The following CDC42SE2 variants were observed in gnomAD, a reference collection of about 807,000 sequenced individuals.
CDC42SE2 encodes CDC42 small effector 2.
A neutral mutation model predicts 11.5 loss-of-function variants in CDC42SE2; 3 were observed. The ratio of observed to expected loss-of-function variants is 0.26; its 90% CI spans 0.12 to 0.67. The LOEUF (loss-of-function observed/expected upper bound fraction) is 0.67, where lower values mean the gene tolerates loss of function less well. Ranked by LOEUF, CDC42SE2 falls within the 30% of genes least tolerant of loss-of-function variation. The probability of loss-of-function intolerance (pLI) is 0.80; values close to 1 mark genes in which losing one functional copy is unlikely to be tolerated. For synonymous variants in CDC42SE2, 33 were observed against 34.8 expected (o/e 0.95, Z 0.18); for missense variants, 82 against 106.8 (o/e 0.77, Z 1.02).
At position 131,393,924 on chromosome 5, in the gene CDC42SE2, C is replaced by T. The variant is rs901318617; in HGVS notation, c.*2833C>T. ...GACTTGTCAGCCTATAACTACTCTG[C>T]AGCTGCCACTAACTCTACAGGCACA... On this transcript the variant is annotated 3_prime_UTR_variant, in exon 5 of 5. Transcript: ENST00000505065. The T allele has an allele frequency of 6.8e-6, 1 of 148,076 alleles. No individual in the cohort carries two copies. The highest frequency in any genetic ancestry group is 1.5e-5 in the Non-Finnish European group (1 of 67,664). The allele number at this position is 148,076 out of a possible 1,614,324, so 9.2% of individuals were successfully genotyped here.
At chr5:131,363,407 G>A (rs1749767495) in intron 3 of CDC42SE2, among the ~76,000 whole-genome samples, 1 of 152,044 alleles carries the variant, frequency 6.6e-6, no homozygotes, top group African/African-American at 2.4e-5. Context: ...ACGGAGTTTT[G>A]CTCTTGTCGC....
chr5:131,318,031 C>T (rs189196449), intron 2 of CDC42SE2, among the ~76,000 whole-genome samples: 9 of 152,230 alleles, frequency 5.9e-5, no homozygotes, highest in Non-Finnish European at 8.8e-5. Flanking sequence ...ACCTCTGCCT[C>T]CTGGGCTCAA....
At chr5:131,286,385 G>GTTTTTT (rs33983324) in intron 1 of CDC42SE2, among the ~76,000 whole-genome samples, 2 of 115,086 alleles carry the variant, frequency 1.7e-5, no homozygotes, top group African/African-American at 3.4e-5. Flanking sequence ...CACCTGGCCA[G>GTTTTTT]TTTTTTTTTT....
the CDC42SE2 span, among the ~76,000 whole-genome samples, chr5:131,234,445 G>A: frequency 6.6e-6 from 1 of 152,054 alleles, no homozygotes; most frequent in Non-Finnish European, 1.5e-5. Context: ...AGATCAGCCT[G>A]GCCAAGATGG....
At chr5:131,320,914 TG>T (rs1229323218) in intron 2 of CDC42SE2, among the ~76,000 whole-genome samples, 2 of 152,168 alleles carry the variant, frequency 1.3e-5, no homozygotes, top group Non-Finnish European at 2.9e-5. Context: ...ATATTATAGC[TG>T]GGTAGCCATC....
At chr5:131,370,715 T>C (rs1278196701) in intron 3 of CDC42SE2, among the ~76,000 whole-genome samples, 1 of 152,232 alleles carries the variant, frequency 6.6e-6, no homozygotes, top group African/African-American at 2.4e-5. Context: ...AATTCTGTTA[T>C]TGTGTAAATG....
intron 3 of CDC42SE2, among the ~76,000 whole-genome samples, chr5:131,381,345 A>G: frequency 6.7e-6 from 1 of 149,692 alleles, no homozygotes; most frequent in East Asian, 2.0e-4. Context: ...TTTTTTTGAG[A>G]GAAGTCTCGC....
chr5:131,313,136 C>G (rs564778962), intron 1 of CDC42SE2, among the ~76,000 whole-genome samples: 3 of 151,964 alleles, frequency 2.0e-5, no homozygotes, highest in East Asian at 1.9e-4. Flanking sequence ...GTGCCTGCCA[C>G]GACGCCCGGC....
At chr5:131,257,532 C>T (rs531458946) in intron 2 of CDC42SE2, among the ~76,000 whole-genome samples, 1 of 150,034 alleles carries the variant, frequency 6.7e-6, no homozygotes, top group East Asian at 2.0e-4. Flanking sequence ...GGCTGGAGTG[C>T]AGTGGCACGA....
intron 1 of CDC42SE2, among the ~76,000 whole-genome samples, chr5:131,248,215 C>A (rs1483091172): frequency 6.6e-6 from 1 of 152,098 alleles, no homozygotes; most frequent in Non-Finnish European, 1.5e-5. Flanking sequence ...TCCCAGCTCA[C>A]TACAACCTCT....
intron 3 of CDC42SE2, among the ~76,000 whole-genome samples, chr5:131,380,437 A>G (rs1750288308): frequency 1.3e-5 from 2 of 152,212 alleles, no homozygotes. Context: ...ATGAGTCACC[A>G]TGCCCAGCCA....
chr5:131,289,240 C>G (rs1343848961), intron 1 of CDC42SE2, among the ~76,000 whole-genome samples: 2 of 152,294 alleles, frequency 1.3e-5, no homozygotes, highest in East Asian at 3.9e-4. Context: ...TCCTCATAGT[C>G]AAACCAGCCA....
chr5:131,293,504 G>T (rs181982464), intron 1 of CDC42SE2, among the ~76,000 whole-genome samples: 1 of 151,380 alleles, frequency 6.6e-6, no homozygotes, highest in Non-Finnish European at 1.5e-5. Flanking sequence ...CCCGGGAGGC[G>T]GAGGTTGCAG....
intron 2 of CDC42SE2, among the ~76,000 whole-genome samples, chr5:131,358,851 A>G (rs989676967): frequency 2.0e-5 from 3 of 152,216 alleles, no homozygotes; most frequent in African/African-American, 7.2e-5. Flanking sequence ...AACTGAAGAA[A>G]CCTATATGAA....
At chr5:131,255,817 A>G (rs1424108413) in intron 2 of CDC42SE2, among the ~76,000 whole-genome samples, 1 of 152,210 alleles carries the variant, frequency 6.6e-6, no homozygotes, top group African/African-American at 2.4e-5. Flanking sequence ...TAATGGAGGC[A>G]ACTTATTGAT....
At chr5:131,237,063 T>A in the CDC42SE2 span, among the ~76,000 whole-genome samples, 1 of 152,238 alleles carries the variant, frequency 6.6e-6, no homozygotes, top group Non-Finnish European at 1.5e-5. Flanking sequence ...ATAAAATTGT[T>A]TGTGGGAGAC....
intron 1 of CDC42SE2, among the ~76,000 whole-genome samples, chr5:131,285,794 T>C (rs1223860884): frequency 2.0e-5 from 3 of 152,172 alleles, no homozygotes; most frequent in Non-Finnish European, 2.9e-5. Flanking sequence ...GGAAACAAAC[T>C]GGTAAGTAGT....
chr5:131,290,543 C>A (rs1328546687), intron 1 of CDC42SE2, among the ~76,000 whole-genome samples: 1 of 132,992 alleles, frequency 7.5e-6, no homozygotes, highest in African/African-American at 2.9e-5. Context: ...AGTGCAGTGG[C>A]GCGGGGTCAA....
chr5:131,385,677 ATTGGGGCATAGTCATATGAAACC>A (rs1168570267), intron 4 of CDC42SE2, 33 bp downstream of exon 4: 3 of 1,346,098 alleles, frequency 2.2e-6, no homozygotes, highest in African/African-American at 1.4e-5. Flanking sequence ...CAGGTAGGGC[ATTGGGGCATAGTCATATGAAACC>A]TGTGTGACAG....
Sources: allele counts gnomAD v4.1 joint callset (sites outside exome capture counted in the v4.1 genomes callset), GRCh38; gene constraint gnomAD v4.1.1; transcripts MANE v1.5; gene names NCBI Gene and HGNC (gene_info 2026-07-23, HGNC 2026-07-21).